Variants in ARHGEF37 observed in about 807,000 individuals in gnomAD.
ARHGEF37 encodes Rho guanine nucleotide exchange factor (GEF) 37.
A neutral mutation model predicts 71.1 loss-of-function variants in ARHGEF37; 55 were observed. That is an observed-to-expected ratio of 0.77 (90% confidence interval 0.62 to 0.97). The LOEUF (loss-of-function observed/expected upper bound fraction) is 0.97, where lower values mean the gene tolerates loss of function less well. Ranked by LOEUF, ARHGEF37 falls within the 50% of genes least tolerant of loss-of-function variation. The pLI is 0.00. For missense variants in ARHGEF37, 765 were observed against 836.8 expected (o/e 0.91, Z 1.06); for synonymous variants, 327 against 350.6 (o/e 0.93, Z 0.75).
chr5:149,553,548 C>T (rs1762714401), intron 1 of ARHGEF37, among the ~76,000 whole-genome samples: 1 of 151,868 alleles, frequency 6.6e-6, no homozygotes, highest in Admixed American at 6.6e-5. Context: ...GAGGAGTTCT[C>T]CATAAGGGGA....
intron 1 of ARHGEF37, among the ~76,000 whole-genome samples, chr5:149,585,372 A>T (rs2113272049): frequency 6.6e-6 from 1 of 152,374 alleles, no homozygotes; most frequent in South Asian, 2.1e-4. Context: ...GTGAAGAGAC[A>T]AATTGTGGTA....
upstream of ARHGEF37, among the ~76,000 whole-genome samples, chr5:149,581,276 G>T (rs1210181541): frequency 6.6e-6 from 1 of 152,256 alleles, no homozygotes; most frequent in East Asian, 1.9e-4. Flanking sequence ...GCCGCGGGAG[G>T]GTGGGTGCCG....
At chr5:149,552,244 A>G (rs1762687613) in intron 1 of ARHGEF37, 1 of 128,874 alleles carries the variant, frequency 7.8e-6, no homozygotes, top group Non-Finnish European at 1.7e-5. Flanking sequence ...AAAAAAAAAA[A>G]GAATCGTATG....
upstream of ARHGEF37, among the ~76,000 whole-genome samples, chr5:149,580,401 C>T (rs1397274313): frequency 6.6e-6 from 1 of 152,126 alleles, no homozygotes; most frequent in Admixed American, 6.6e-5. Context: ...CACCCCTCTC[C>T]CCTTCAGTTG....
intron 10 of ARHGEF37, among the ~76,000 whole-genome samples, chr5:149,626,191 T>C (rs1160014225): frequency 6.9e-6 from 1 of 145,272 alleles, no homozygotes; most frequent in African/African-American, 2.5e-5. Flanking sequence ...TCTGCCTGCC[T>C]CCCCACACCC....
chr5:149,583,757 T>A (rs528470205), intron 1 of ARHGEF37, among the ~76,000 whole-genome samples: 2 of 152,112 alleles, frequency 1.3e-5, no homozygotes, highest in South Asian at 4.2e-4. Context: ...GGCTGAAGAA[T>A]TTGTTTATTT....
intron 1 of ARHGEF37, among the ~76,000 whole-genome samples, chr5:149,595,924 A>G (rs1019067725): frequency 6.7e-6 from 1 of 149,506 alleles, no homozygotes; most frequent in African/African-American, 2.5e-5. Context: ...TGTCTTTGTC[A>G]TCTTCTGTGT....
intron 1 of ARHGEF37, among the ~76,000 whole-genome samples, chr5:149,592,490 TTC>T (rs1763438900): frequency 6.6e-6 from 1 of 152,238 alleles, no homozygotes; most frequent in African/African-American, 2.4e-5. Context: ...TCCTTTTCAT[TTC>T]TGAGTATTCA....
At chr5:149,595,994 T>TG (rs34871504) in intron 1 of ARHGEF37, among the ~76,000 whole-genome samples, 42,964 of 150,574 alleles carry the variant, frequency 0.29, 6,611 homozygotes, top group Admixed American at 0.43. Flanking sequence ...TCCTTGTGGC[T>TG]GGGGGGGTCC....
chr5:149,603,627 A>G (rs1763823915), intron 3 of ARHGEF37, among the ~76,000 whole-genome samples: 1 of 152,224 alleles, frequency 6.6e-6, no homozygotes, highest in Admixed American at 6.5e-5. Context: ...GCAAAATTAA[A>G]GAACAAGATT....
intron 1 of ARHGEF37, among the ~76,000 whole-genome samples, chr5:149,560,722 A>G (rs948539190): frequency 6.6e-6 from 1 of 152,002 alleles, no homozygotes; most frequent in African/African-American, 2.4e-5. Context: ...GGAGTTTGAG[A>G]CCAGCCTGGG....
intron 1 of ARHGEF37, among the ~76,000 whole-genome samples, chr5:149,559,471 AT>A (rs1762800409): frequency 6.6e-6 from 1 of 152,248 alleles, no homozygotes; most frequent in South Asian, 2.1e-4. Context: ...AATGAATCAT[AT>A]TGATGGAACA....
At chr5:149,576,570 G>A (rs1763031171), upstream of ARHGEF37, among the ~76,000 whole-genome samples, 1 of 152,144 alleles carries the variant, frequency 6.6e-6, no homozygotes, top group Non-Finnish European at 1.5e-5. Flanking sequence ...TAAACGTTTA[G>A]CCACCATAAC....
intron 1 of ARHGEF37, among the ~76,000 whole-genome samples, chr5:149,564,896 C>G (rs188257717): frequency 6.6e-5 from 10 of 152,296 alleles, no homozygotes; most frequent in African/African-American, 1.4e-4. Context: ...TGTTAATGAA[C>G]CCATGGCACA....
chr5:149,565,829 ATT>A (rs201683478), intron 1 of ARHGEF37, among the ~76,000 whole-genome samples: 178 of 84,332 alleles, frequency 2.1e-3, no homozygotes, highest in South Asian at 2.9e-3. Flanking sequence ...AGAAACTCTA[ATT>A]TTTTTTTTTT....
At chr5:149,574,801 T>C (rs1207895273) in intron 1 of ARHGEF37, among the ~76,000 whole-genome samples, 5 of 152,128 alleles carry the variant, frequency 3.3e-5, no homozygotes, top group Non-Finnish European at 7.4e-5. Flanking sequence ...ATCCCATAGG[T>C]CACCAAATTC....
intron 11 of ARHGEF37, among the ~76,000 whole-genome samples, chr5:149,628,563 C>G (rs563980861): frequency 1.2e-4 from 19 of 152,314 alleles, no homozygotes; most frequent in South Asian, 8.3e-4. Flanking sequence ...CTTTTAGTCT[C>G]TATCATAGCT....
chr5:149,600,143 C>T (rs1763709792), intron 2 of ARHGEF37, among the ~76,000 whole-genome samples: 2 of 152,128 alleles, frequency 1.3e-5, no homozygotes, highest in South Asian at 4.1e-4. Context: ...CAGGCAAATG[C>T]AGCACAATAG....
At chr5:149,598,761 T>TAGATAGATAGATAGATAGATAGATAG (rs1221841533) in intron 2 of ARHGEF37, among the ~76,000 whole-genome samples, 16 of 75,796 alleles carry the variant, frequency 2.1e-4, no homozygotes, top group African/African-American at 7.9e-4. Context: ...TATATATAGA[T>TAGATAGATAGATAGATAGATAGATAG]ATAGATATAG....
Sources: gnomAD v4.1 joint callset for allele counts (sites outside exome capture counted in the v4.1 genomes callset) on GRCh38, gnomAD v4.1.1 for gene constraint, MANE v1.5 for transcripts, NCBI Gene and HGNC (gene_info 2026-07-23, HGNC 2026-07-21) for gene names.